Variants in DGKB observed in about 807,000 individuals in gnomAD.
DGKB encodes the protein diacylglycerol kinase beta, also known as 90 kDa diacylglycerol kinase.
In DGKB, 67 loss-of-function variants were observed where a neutral mutation model predicts 114.3. The observed-to-expected ratio is 0.59, with a 90% CI of 0.48 to 0.72. The LOEUF is 0.72. Among genes scored for constraint, DGKB ranks in the 30% least tolerant of loss-of-function variants. The pLI, the probability that DGKB is intolerant of heterozygous loss-of-function variation, is 0.00. For missense variants in DGKB, 907 were observed against 975.2 expected (o/e 0.93, Z 0.93); for synonymous variants, 398 against 323.1 (o/e 1.23, Z -2.49).
intron 20 of DGKB, among the ~76,000 whole-genome samples, chr7:14,498,296 A>C (rs1456218871): frequency 6.6e-6 from 1 of 151,874 alleles, no homozygotes; most frequent in Non-Finnish European, 1.5e-5. Context: ...ATATATTCAC[A>C]AACAAGTGCT....
chr7:14,583,288 C>T lies in DGKB; in HGVS notation c.1434-151G>A, dbSNP rs1413270327. On this transcript the variant is annotated intron_variant, in intron 17 of 25. Transcript: ENST00000402815. ...GTGATAACTTACATATCCTTTAATCCTATTTTATAATTATATATTCAAGAT... is the reference window on the plus strand; with the variant it reads ...GTGATAACTTACATATCCTTTAATCTTATTTTATAATTATATATTCAAGAT... 4.0e-5 allele frequency among the ~76,000 whole-genome samples: 6 copies of T among 151,890 alleles called. No individual in the cohort carries two copies. The South Asian group carries it at 8.3e-4, about 21-fold the overall frequency.
At chr7:14,153,465 C>G (rs368975197) in intron 25 of DGKB, among the ~76,000 whole-genome samples, 1 of 151,902 alleles carries the variant, frequency 6.6e-6, no homozygotes. Flanking sequence ...CTGTCAACAC[C>G]CTTATTTTAC....
At chr7:14,588,095 A>G (rs915023860) in intron 17 of DGKB, among the ~76,000 whole-genome samples, 1 of 152,098 alleles carries the variant, frequency 6.6e-6, no homozygotes, top group African/African-American at 2.4e-5. Flanking sequence ...ACCAATGTAC[A>G]ATGGATGTGC....
intron 1 of DGKB, among the ~76,000 whole-genome samples, chr7:14,852,224 T>G (rs1180598878): frequency 6.6e-6 from 1 of 152,058 alleles, no homozygotes; most frequent in Non-Finnish European, 1.5e-5. Context: ...GTTTAACTCT[T>G]AATTTATTAA....
intron 21 of DGKB, among the ~76,000 whole-genome samples, chr7:14,360,451 T>C (rs1815503471): frequency 6.8e-6 from 1 of 146,612 alleles, no homozygotes; most frequent in African/African-American, 2.6e-5. Context: ...ACTTAAAGTA[T>C]ATATATATAT....
chr7:14,567,232 AATT>A (rs1242531615), intron 20 of DGKB, among the ~76,000 whole-genome samples: 2 of 54,918 alleles, frequency 3.6e-5, no homozygotes, highest in Non-Finnish European at 6.3e-5. Flanking sequence ...TAATATATAT[AATT>A]ATATTATATA....
At chr7:14,685,174 T>G (rs2128975452) in intron 10 of DGKB, 71 bp downstream of exon 10, 1 of 981,260 alleles carries the variant, frequency 1.0e-6, no homozygotes, top group Non-Finnish European at 1.6e-6. Context: ...CATTTACAAA[T>G]AAGACTATTC....
chr7:14,422,708 C>T (rs1290658654), intron 21 of DGKB, among the ~76,000 whole-genome samples: 1 of 151,644 alleles, frequency 6.6e-6, no homozygotes, highest in Admixed American at 6.6e-5. Context: ...GTACTTAATC[C>T]TATGGTTGTC....
At chr7:14,659,445 C>A (rs1351369071) in intron 13 of DGKB, among the ~76,000 whole-genome samples, 2 of 151,580 alleles carry the variant, frequency 1.3e-5, no homozygotes, top group Admixed American at 1.3e-4. Flanking sequence ...AGAGGTCCTT[C>A]ACATCCCTTG....
At chr7:14,473,219 G>C (rs960945960) in intron 21 of DGKB, among the ~76,000 whole-genome samples, 1 of 152,158 alleles carries the variant, frequency 6.6e-6, no homozygotes, top group Non-Finnish European at 1.5e-5. Context: ...GCTGCGTGAA[G>C]CCAAGGGACT....
In DGKB at chr7:14,311,654, G is replaced by A. The variant is rs117350005; in HGVS notation, c.2122+26861C>T. 3.8e-3 allele frequency among the ~76,000 whole-genome samples: 580 copies of A among 152,126 alleles called. 4 individuals carry two copies. The highest frequency in any genetic ancestry group is 0.016 in the South Asian group (78 of 4,820). Reference sequence around the variant, plus strand: ...TTGCCCAGGCTGGTTTCAAACTCCCGGGCTCAAGTGATGTGCCCACCTTGG... The same window carrying A: ...TTGCCCAGGCTGGTTTCAAACTCCCAGGCTCAAGTGATGTGCCCACCTTGG... On this transcript the variant is annotated intron_variant, in intron 23 of 25. Transcript: ENST00000402815.
intron 2 of DGKB, among the ~76,000 whole-genome samples, chr7:14,796,819 C>A (rs10280027): frequency 0.42 from 64,543 of 151,988 alleles, 16,083 homozygotes; most frequent in African/African-American, 0.7. Flanking sequence ...CTGGTCATTC[C>A]TCTTATTAAA....
intron 21 of DGKB, among the ~76,000 whole-genome samples, chr7:14,388,640 C>T (rs1234525296): frequency 1.3e-5 from 2 of 151,876 alleles, no homozygotes; most frequent in Non-Finnish European, 2.9e-5. Flanking sequence ...GATATTATAT[C>T]TTTTAAAATT....
intron 2 of DGKB, among the ~76,000 whole-genome samples, chr7:14,807,657 A>G (rs1227069542): frequency 6.6e-6 from 1 of 152,028 alleles, no homozygotes; most frequent in Non-Finnish European, 1.5e-5. Flanking sequence ...AGTCCTGGAA[A>G]TAGCTCAACA....
At chr7:14,725,840 G>A (rs1235011271) in intron 5 of DGKB, among the ~76,000 whole-genome samples, 3 of 152,102 alleles carry the variant, frequency 2.0e-5, no homozygotes, top group East Asian at 1.9e-4. Flanking sequence ...GAGCAACCAC[G>A]CGCAACCAAT....
intron 20 of DGKB, among the ~76,000 whole-genome samples, chr7:14,507,132 T>C (rs1787215126): frequency 1.3e-5 from 2 of 152,194 alleles, no homozygotes; most frequent in Non-Finnish European, 1.5e-5. Context: ...CCATAGAGAT[T>C]TGAAGGCCTG....
chr7:14,784,165 A>C (rs1839522354), intron 2 of DGKB, among the ~76,000 whole-genome samples: 2 of 152,050 alleles, frequency 1.3e-5, no homozygotes, highest in South Asian at 2.1e-4. Flanking sequence ...TTTTTACTAC[A>C]ATCTACTGAT....
intron 17 of DGKB, among the ~76,000 whole-genome samples, chr7:14,596,422 T>C (rs912821829): frequency 2.6e-5 from 4 of 152,206 alleles, no homozygotes; most frequent in Non-Finnish European, 5.9e-5. Flanking sequence ...GGACCATTTT[T>C]ATCAAGACAT....
intron 20 of DGKB, among the ~76,000 whole-genome samples, chr7:14,546,567 G>A (rs1794317119): frequency 6.6e-6 from 1 of 152,016 alleles, no homozygotes; most frequent in African/African-American, 2.4e-5. Context: ...AGGTTTTTCT[G>A]GTGGAACTGG....
Sources: allele counts gnomAD v4.1 joint callset (sites outside exome capture counted in the v4.1 genomes callset), GRCh38; gene constraint gnomAD v4.1.1; transcripts MANE v1.5; gene names NCBI Gene and HGNC (gene_info 2026-07-23, HGNC 2026-07-21).